Variants in TTBK2 observed in about 807,000 individuals in gnomAD.
The protein encoded by TTBK2 is tau tubulin kinase 2, also known as tau-tubulin kinase 2.
A neutral mutation model predicts 110.8 loss-of-function variants in TTBK2; 28 were observed. That is an observed-to-expected ratio of 0.25 (90% confidence interval 0.19 to 0.35). The LOEUF (loss-of-function observed/expected upper bound fraction) is 0.35. Ranked by LOEUF, TTBK2 falls within the 10% of genes least tolerant of loss-of-function variation. The pLI, the probability that TTBK2 is intolerant of heterozygous loss-of-function variation, is 1.00. For missense variants in TTBK2, 1,369 were observed against 1,500.3 expected (o/e 0.91, Z 1.45); for synonymous variants, 532 against 527.3 (o/e 1.01, Z -0.12).
At chr15:42,889,499 C>A (rs752793611) in intron 1 of TTBK2, among the ~76,000 whole-genome samples, 2 of 152,148 alleles carry the variant, frequency 1.3e-5, no homozygotes, top group Non-Finnish European at 2.9e-5. Flanking sequence ...TACCCCTTAC[C>A]GTCCTCAATC....
chr15:42,863,754 T>C (rs1894251385), intron 3 of TTBK2, among the ~76,000 whole-genome samples: 1 of 152,098 alleles, frequency 6.6e-6, no homozygotes, highest in Non-Finnish European at 1.5e-5. Flanking sequence ...TGGAACAGGT[T>C]AGAGAACCCA....
chr15:42,915,533 A>G (rs972802730), intron 1 of TTBK2, among the ~76,000 whole-genome samples: 2 of 152,234 alleles, frequency 1.3e-5, no homozygotes, highest in African/African-American at 4.8e-5. Context: ...CTATAGGGTA[A>G]GGTACTATCT....
chr15:42,880,197 ACCC>A (rs1894985513), intron 1 of TTBK2, among the ~76,000 whole-genome samples: 6 of 152,266 alleles, frequency 3.9e-5, no homozygotes, highest in Non-Finnish European at 7.4e-5. Context: ...CTGGTGTTAA[ACCC>A]ATCCTAAGCC....
chr15:42,797,544 A>G (rs183192870), intron 9 of TTBK2, among the ~76,000 whole-genome samples: 538 of 152,322 alleles, frequency 3.5e-3, no homozygotes, highest in South Asian at 6.0e-3. Flanking sequence ...AGAGAAAAAC[A>G]TTTCTAATCT....
intron 13 of TTBK2, among the ~76,000 whole-genome samples, chr15:42,756,001 G>C (rs2061940388): frequency 6.6e-6 from 1 of 152,140 alleles, no homozygotes; most frequent in African/African-American, 2.4e-5. Context: ...TTTGAGACCA[G>C]ACTGGCCAAC....
chr15:42,816,058 ATATATATATAT>A, intron 7 of TTBK2, among the ~76,000 whole-genome samples: 2 of 107,420 alleles, frequency 1.9e-5, no homozygotes, highest in Non-Finnish European at 3.5e-5. Flanking sequence ...CTATATAAAA[ATATATATATAT>A]AAAAATAAAT....
chr15:42,849,297 T>C (rs1016229975), intron 3 of TTBK2, among the ~76,000 whole-genome samples: 13 of 152,228 alleles, frequency 8.5e-5, no homozygotes, highest in African/African-American at 3.1e-4. Context: ...TAATTGTACA[T>C]CTTGGGTCTA....
At chr15:42,793,680 C>A (rs1890802559) in intron 10 of TTBK2, among the ~76,000 whole-genome samples, 2 of 152,080 alleles carry the variant, frequency 1.3e-5, no homozygotes, top group Admixed American at 1.3e-4. Context: ...GAAACCCCGT[C>A]TCTACTAAAA....
At chr15:42,801,464 A>G in intron 9 of TTBK2, 1 of 806,894 alleles carries the variant, frequency 1.2e-6, no homozygotes, top group Non-Finnish European at 2.2e-6. Flanking sequence ...CTCAGCTTGG[A>G]GCCAGCTGAT....
At chr15:42,914,412 T>C (rs1171052105) in intron 1 of TTBK2, among the ~76,000 whole-genome samples, 1 of 152,190 alleles carries the variant, frequency 6.6e-6, no homozygotes, top group African/African-American at 2.4e-5. Flanking sequence ...AGAGACACTA[T>C]AGCCATCTAC....
rs772237081 is a variant in TTBK2 at position 42,840,449 on chromosome 15, A to G, written c.218-16T>C. The G allele has an allele frequency of 6.2e-7, 1 of 1,605,252 alleles. No individual in the cohort carries two copies. The highest frequency in any genetic ancestry group is 8.5e-7 in the Non-Finnish European group (1 of 1,172,018). ...TGGTCTTTCCCTGGATAAAAAAAGA[A>G]AACAGTGGAAAAGAATATACTATGG... On this transcript the variant is annotated splice_polypyrimidine_tract_variant and intron_variant, in intron 3 of 14. Transcript: ENST00000267890.
chr15:42,766,597 T>G (rs897447830), intron 13 of TTBK2, among the ~76,000 whole-genome samples: 1 of 151,898 alleles, frequency 6.6e-6, no homozygotes, highest in Admixed American at 6.6e-5. Context: ...CCTAAATATA[T>G]ATGCACCCAA....
intron 3 of TTBK2, chr15:42,871,435 C>T (rs1275396991): frequency 2.0e-6 from 2 of 985,168 alleles, no homozygotes; most frequent in African/African-American, 3.5e-5. Flanking sequence ...AAAGCTGTAT[C>T]CTGCCTCACC....
chr15:42,767,629 C>T (rs1448851550), intron 13 of TTBK2, among the ~76,000 whole-genome samples: 1 of 152,056 alleles, frequency 6.6e-6, no homozygotes, highest in African/African-American at 2.4e-5. Context: ...AATAGCCTAC[C>T]AACCAAAAGA....
chr15:42,898,438 G>A (rs113183563), intron 1 of TTBK2, among the ~76,000 whole-genome samples: 1,579 of 151,912 alleles, frequency 0.01, 29 homozygotes, highest in African/African-American at 0.036. Flanking sequence ...CCAGCTACTC[G>A]GGAGGCAGAG....
intron 3 of TTBK2, among the ~76,000 whole-genome samples, chr15:42,862,991 C>A (rs1234212140): frequency 6.6e-6 from 1 of 152,082 alleles, no homozygotes; most frequent in Non-Finnish European, 1.5e-5. Flanking sequence ...AATCATTTCC[C>A]ATGAGAACTG....
chr15:42,913,102 G>T (rs1448140731), intron 1 of TTBK2, among the ~76,000 whole-genome samples: 2 of 128,432 alleles, frequency 1.6e-5, no homozygotes, highest in African/African-American at 6.3e-5. Context: ...TCCTCAGTCC[G>T]ACCTGGGCGA....
rs146881533 is a variant in TTBK2, at chr15:42,773,699, GA to G, written c.1998+1435del. Among the ~76,000 whole-genome samples the G allele has an allele frequency of 5.5e-3, 837 of 152,254 alleles. 8 individuals are homozygous for G. Among genetic ancestry groups the G allele is most frequent in the African/African-American group, 0.019 (799 of 41,544 alleles). On this transcript the variant is annotated intron_variant, in intron 13 of 14. Coordinates refer to ENST00000267890, the MANE Select transcript of TTBK2 (RefSeq NM_173500.4). ...CCAGAATGCTGCTGGAAATATGCTA[GA>G]GCAAAAGTTAGTACACAGCATAATA...
At chr15:42,848,545 C>T (rs1204719081) in intron 3 of TTBK2, among the ~76,000 whole-genome samples, 1 of 151,004 alleles carries the variant, frequency 6.6e-6, no homozygotes, top group Admixed American at 6.6e-5. Context: ...GGCTGGAGTA[C>T]AATGGTGCGA....
Sources: gnomAD v4.1 joint callset for allele counts (sites outside exome capture counted in the v4.1 genomes callset) on GRCh38, gnomAD v4.1.1 for gene constraint, MANE v1.5 for transcripts, NCBI Gene and HGNC (gene_info 2026-07-23, HGNC 2026-07-21) for gene names.